The following SNX29 variants were observed in gnomAD, a reference collection of about 807,000 sequenced individuals.
SNX29 encodes sorting nexin-29.
SNX29 carries 78 observed loss-of-function variants against 102.1 expected under a neutral mutation model. The ratio of observed to expected loss-of-function variants is 0.76; its 90% CI spans 0.64 to 0.92. The LOEUF is 0.92. Among genes scored for constraint, SNX29 ranks in the 40% least tolerant of loss-of-function variants. SNX29 has a pLI of 0.00. For synonymous variants in SNX29, 580 were observed against 414.5 expected, an observed-to-expected ratio of 1.40 and a Z score of -4.85; for missense variants, 1,280 against 1,061.7, an observed-to-expected ratio of 1.21 and a Z score of -2.86.
chr16:12,464,274 T>G (rs905204921), intron 18 of SNX29, among the ~76,000 whole-genome samples: 6 of 151,536 alleles, frequency 4.0e-5, no homozygotes, highest in African/African-American at 1.5e-4. Flanking sequence ...GTGGCATGTT[T>G]ATGTGTGTGT....
rs540317923 is a variant in SNX29, at chr16:12,431,429, T to C, written c.2037+27900T>C. Among the ~76,000 whole-genome samples the C allele has an allele frequency of 8.1e-5, 12 of 148,658 alleles. 1 individual carries two copies. The South Asian group carries it at 2.5e-3, about 31-fold the overall frequency. On this transcript the variant is annotated intron_variant, in intron 18 of 20. Transcript: ENST00000566228. Reference sequence around the variant, plus strand: ...GGGGCTTGAGCTTTTCTTCTTCTTCTTCTTCTTTTTTTTTTTTTGTTTTTG... The same window carrying C: ...GGGGCTTGAGCTTTTCTTCTTCTTCCTCTTCTTTTTTTTTTTTTGTTTTTG...
In SNX29 at chr16:12,408,167, A is replaced by G. The variant is rs1597272308; in HGVS notation, c.2037+4638A>G. Among the ~76,000 whole-genome samples the G allele has an allele frequency of 2.0e-5, 3 of 150,208 alleles. 1 individual carries two copies. Among genetic ancestry groups the G allele is most frequent in the African/African-American group, 7.5e-5 (3 of 39,892 alleles). ...GAGCAGGACCCTTCTCAAAAAAACAAACAAACAAACAAAAAAAAAACTAGA... is the reference window on the plus strand; with the variant it reads ...GAGCAGGACCCTTCTCAAAAAAACAGACAAACAAACAAAAAAAAAACTAGA... On this transcript the variant is annotated intron_variant, in intron 18 of 20. Transcript: ENST00000566228.
intron 15 of SNX29, among the ~76,000 whole-genome samples, chr16:12,286,575 C>T (rs531005897): frequency 2.6e-5 from 4 of 152,000 alleles, no homozygotes; most frequent in Admixed American, 2.6e-4. Context: ...TCGATCTCCT[C>T]ACCTCATGAT....
intron 13 of SNX29, among the ~76,000 whole-genome samples, chr16:12,133,281 G>GTTTTTTTTTTT (rs57733463): frequency 1.5e-5 from 1 of 66,866 alleles, no homozygotes; most frequent in Non-Finnish European, 2.7e-5. Flanking sequence ...CTTAGTGTGG[G>GTTTTTTTTTTT]TTTTTTTTTT....
rs375524619 is a variant in SNX29, at chr16:12,109,866, G to C, written c.1403-16767G>C. ...CTGCCTCAGCCTCCCAAGTATCTGG[G>C]ATTACAGGTGTGCACTACCACGCCC... is the stretch of plus-strand genomic sequence containing the variant. On this transcript the variant is annotated intron_variant, in intron 11 of 20. Transcript: ENST00000566228. Among the ~76,000 whole-genome samples the C allele has an allele frequency of 1.1e-4, 17 of 152,246 alleles. 1 individual carries two copies. The East Asian group carries it at 1.5e-3, about 14-fold the overall frequency.
Position 12,569,896 on chromosome 16 carries a change from A to AG in SNX29, c.*1267_*1268insG, listed in dbSNP as rs1199646693. ...AGAGTAAGTTTGTGTGTTTCGCCTT[A>AG]ATCTGAGGCAGAGACACAGCAGAAC... On this transcript the variant is annotated 3_prime_UTR_variant, in exon 21 of 21. Transcript: ENST00000566228. 78 of 231,828 alleles carry AG rather than the reference A, an allele frequency of 3.4e-4. No individual in the cohort carries two copies. Among genetic ancestry groups the AG allele is most frequent in the African/African-American group, 1.6e-3 (74 of 45,348 alleles). 14.4% of individuals were successfully genotyped at this position (231,828 alleles called of 1,614,324 possible). A position where few individuals can be genotyped will look rare whatever the true frequency, so the allele number is the denominator to read the frequency against.
intron 18 of SNX29, among the ~76,000 whole-genome samples, chr16:12,437,863 A>C (rs2085607678): frequency 6.6e-6 from 1 of 152,122 alleles, no homozygotes; most frequent in Non-Finnish European, 1.5e-5. Flanking sequence ...CCTTCCCCCC[A>C]GCCCAGGGCC....
intron 15 of SNX29, among the ~76,000 whole-genome samples, chr16:12,351,198 C>T (rs2081982931): frequency 7.5e-6 from 1 of 133,014 alleles, no homozygotes; most frequent in Admixed American, 7.4e-5. Flanking sequence ...TATAAGAGGC[C>T]TGACACTTAG....
chr16:12,301,500 T>C (rs903031790), intron 15 of SNX29, among the ~76,000 whole-genome samples: 1 of 152,252 alleles, frequency 6.6e-6, no homozygotes, highest in Non-Finnish European at 1.5e-5. Flanking sequence ...ACCGCCTCAG[T>C]GAGGCCTTCC....
chr16:12,042,966 G>C lies in SNX29; in HGVS notation c.317G>C (p.Arg106Pro), dbSNP rs762245333. ...GAGCTGCAGCGCTTCTACTCCCTGCGCCACATCGCCTCAGACGTGGGCCGG... is the reference window on the plus strand; with the variant it reads ...GAGCTGCAGCGCTTCTACTCCCTGCCCCACATCGCCTCAGACGTGGGCCGG... ...KHELQRFYSL[R>P]HIASDVGRGR... Residue 106 changes from arginine to proline, a missense_variant, in exon 5 of 21, where the codon CGC becomes CCC. By Grantham distance (103) the Arg-to-Pro change is moderately radical. Transcript: ENST00000566228. 1 of 1,613,894 alleles carries C rather than the reference G, an allele frequency of 6.2e-7. No homozygotes were observed. The highest frequency in any genetic ancestry group is 1.1e-5 in the South Asian group (1 of 91,054).
At chr16:12,259,854 T>A (rs1316383158) in intron 14 of SNX29, among the ~76,000 whole-genome samples, 2 of 152,038 alleles carry the variant, frequency 1.3e-5, no homozygotes, top group African/African-American at 2.4e-5. Flanking sequence ...GGTCCCCCTT[T>A]GAGCCCTGCT....
intron 17 of SNX29, among the ~76,000 whole-genome samples, chr16:12,402,822 G>T (rs80113366): frequency 0.023 from 3,468 of 152,308 alleles, 102 homozygotes; most frequent in African/African-American, 0.059. Context: ...TGGAAAAGCT[G>T]AAAGAGAGGT....
chr16:12,035,473 T>C (rs1596652377), intron 4 of SNX29, among the ~76,000 whole-genome samples: 1 of 152,214 alleles, frequency 6.6e-6, no homozygotes, highest in African/African-American at 2.4e-5. Context: ...GAAGGCACTC[T>C]TGCGGCTAGA....
In SNX29 at chr16:12,090,528, A is replaced by G. The variant is rs2052474954; in HGVS notation, c.1402+11613A>G. ...GGACCAATTTTTAAGCCCATTTGGTAGCTCCCCAAGGGTTCAAGTGCCAGC... is the reference window on the plus strand; with the variant it reads ...GGACCAATTTTTAAGCCCATTTGGTGGCTCCCCAAGGGTTCAAGTGCCAGC... On this transcript the variant is annotated intron_variant, in intron 11 of 20. Transcript: ENST00000566228. 2.0e-5 allele frequency among the ~76,000 whole-genome samples: 3 copies of G among 152,234 alleles called. No individual in the cohort carries two copies. The South Asian group carries it at 6.2e-4, about 32-fold the overall frequency.
chr16:12,170,160 C>A (rs1396121667), intron 13 of SNX29, among the ~76,000 whole-genome samples: 1 of 151,998 alleles, frequency 6.6e-6, no homozygotes, highest in Non-Finnish European at 1.5e-5. Flanking sequence ...TGCCCAGTGT[C>A]CCCTGGGGTT....
intron 14 of SNX29, among the ~76,000 whole-genome samples, chr16:12,241,070 C>G (rs2078089807): frequency 6.6e-6 from 1 of 152,100 alleles, no homozygotes; most frequent in Non-Finnish European, 1.5e-5. Flanking sequence ...TTTCTGCTTG[C>G]TTTTCTTGAA....
chr16:12,210,002 G>A (rs952715132), intron 14 of SNX29, among the ~76,000 whole-genome samples: 3 of 152,182 alleles, frequency 2.0e-5, no homozygotes, highest in Non-Finnish European at 4.4e-5. Flanking sequence ...CTGTGTGCAC[G>A]TGGAACCTTC....
intron 11 of SNX29, chr16:12,090,012 C>T (rs1039578102): frequency 6.5e-5 from 11 of 168,864 alleles, no homozygotes; most frequent in African/African-American, 2.4e-4. Flanking sequence ...TAGAGCTGTG[C>T]TAGGTGCAGC....
At chr16:12,094,377 A>G (rs1467551077) in intron 11 of SNX29, among the ~76,000 whole-genome samples, 1 of 152,186 alleles carries the variant, frequency 6.6e-6, no homozygotes, top group East Asian at 1.9e-4. Context: ...TTGCTGACGA[A>G]TCTTCCTGAA....
Sources: allele counts gnomAD v4.1 joint callset (sites outside exome capture counted in the v4.1 genomes callset), GRCh38; gene constraint gnomAD v4.1.1; transcripts MANE v1.5; gene names NCBI Gene and HGNC (gene_info 2026-07-23, HGNC 2026-07-21).